The following FOXP1 variants were observed in gnomAD, a reference collection of about 807,000 sequenced individuals.
FOXP1 encodes forkhead box protein P1.
A neutral mutation model predicts 98.2 loss-of-function variants in FOXP1; 15 were observed. That is an observed-to-expected ratio of 0.15 (90% confidence interval 0.10 to 0.24). The LOEUF is 0.24. Ranked by LOEUF, FOXP1 falls within the 10% of genes least tolerant of loss-of-function variation. FOXP1 has a pLI of 1.00. For missense variants in FOXP1, 633 were observed against 848.5 expected (o/e 0.75, Z 3.15); for synonymous variants, 371 against 314.5 (o/e 1.18, Z -1.90).
intron 5 of FOXP1, among the ~76,000 whole-genome samples, chr3:71,265,408 T>C (rs2069542606): frequency 6.6e-6 from 1 of 152,142 alleles, no homozygotes; most frequent in African/African-American, 2.4e-5. Context: ...AGAAATCCCT[T>C]GGTAGTGAAC....
chr3:71,427,700 G>A (rs943151617), intron 3 of FOXP1, among the ~76,000 whole-genome samples: 3 of 152,212 alleles, frequency 2.0e-5, no homozygotes, highest in African/African-American at 4.8e-5. Context: ...AGCGATGGAC[G>A]GAAGTCACAG....
intron 2 of FOXP1, among the ~76,000 whole-genome samples, chr3:71,502,168 G>C (rs2107200699): frequency 1.3e-5 from 2 of 152,306 alleles, no homozygotes; most frequent in South Asian, 4.1e-4. Flanking sequence ...TTAAATGGCA[G>C]AAAACACAAA....
intron 3 of FOXP1, among the ~76,000 whole-genome samples, chr3:71,366,930 C>T (rs13073529): frequency 6.6e-6 from 1 of 152,078 alleles, no homozygotes; most frequent in South Asian, 2.1e-4. Context: ...TGATTGCTTG[C>T]GGATTATGGC....
At chr3:70,992,357 A>T (rs1285491624) in intron 13 of FOXP1, among the ~76,000 whole-genome samples, 1 of 152,320 alleles carries the variant, frequency 6.6e-6, no homozygotes, top group South Asian at 2.1e-4. Flanking sequence ...GGCAGGGTAT[A>T]TCCAGTTACT....
intron 3 of FOXP1, among the ~76,000 whole-genome samples, chr3:71,449,905 C>T (rs1046144851): frequency 5.9e-5 from 9 of 152,138 alleles, no homozygotes; most frequent in Non-Finnish European, 1.0e-4. Flanking sequence ...CTATGAAATA[C>T]GAGGTAAATA....
chr3:71,452,686 G>A (rs1021307475), intron 3 of FOXP1, among the ~76,000 whole-genome samples: 1 of 152,190 alleles, frequency 6.6e-6, no homozygotes, highest in African/African-American at 2.4e-5. Context: ...CAGAGCAGGA[G>A]TGCCTGCCTC....
chr3:71,160,187 C>CTT (rs113079967), intron 6 of FOXP1, among the ~76,000 whole-genome samples: 61 of 150,234 alleles, frequency 4.1e-4, no homozygotes, highest in African/African-American at 1.5e-3. Flanking sequence ...GTATGTATTT[C>CTT]TTTTTTTTTT....
intron 4 of FOXP1, among the ~76,000 whole-genome samples, chr3:71,304,350 A>G (rs1010694921): frequency 2.0e-5 from 3 of 152,228 alleles, no homozygotes; most frequent in African/African-American, 7.2e-5. Flanking sequence ...TTAAATGTTG[A>G]AACCTAAAAA....
chr3:71,455,612 C>T (rs1178065628), intron 3 of FOXP1, among the ~76,000 whole-genome samples: 1 of 152,112 alleles, frequency 6.6e-6, no homozygotes, highest in African/African-American at 2.4e-5. Flanking sequence ...GCGAGAGAAA[C>T]AAGACACATT....
At chr3:70,999,683 T>TAA (rs892636663) in intron 13 of FOXP1, among the ~76,000 whole-genome samples, 1 of 151,426 alleles carries the variant, frequency 6.6e-6, no homozygotes, top group Non-Finnish European at 1.5e-5. Context: ...GATAACTAAT[T>TAA]AAAAAAAAAT....
At position 71,324,394 on chromosome 3, in the gene FOXP1, A is replaced by T. The variant is rs575150647; in HGVS notation, c.-72-24514T>A. On this transcript the variant is annotated intron_variant, in intron 4 of 20. Transcript: ENST00000649528. ...ATGCCCATCAATGATAGACTGGATT[A>T]AGAAAATGTGGCACATACACATCAT... 6.9e-4 allele frequency among the ~76,000 whole-genome samples: 105 copies of T among 152,350 alleles called. 1 individual carries two copies. The highest frequency in any genetic ancestry group is 1.1e-3 in the Non-Finnish European group (75 of 68,038).
chr3:71,501,222 C>T (rs1004964660), intron 2 of FOXP1, among the ~76,000 whole-genome samples: 1 of 151,852 alleles, frequency 6.6e-6, no homozygotes, highest in African/African-American at 2.4e-5. Flanking sequence ...TGCTCTTCAA[C>T]ACCTTTCTCA....
intron 2 of FOXP1, among the ~76,000 whole-genome samples, chr3:71,509,546 T>C (rs867796423): frequency 2.0e-5 from 3 of 152,094 alleles, no homozygotes; most frequent in African/African-American, 4.8e-5. Flanking sequence ...CTTCAGTGTA[T>C]ACATCATGGG....
At chr3:71,539,161 G>T (rs1245872148) in intron 2 of FOXP1, among the ~76,000 whole-genome samples, 1 of 149,214 alleles carries the variant, frequency 6.7e-6, no homozygotes, top group East Asian at 1.9e-4. Context: ...GCCCAGGCTG[G>T]GGTGCAGTGG....
chr3:71,308,816 G>C (rs868371630), intron 4 of FOXP1, among the ~76,000 whole-genome samples: 1 of 147,370 alleles, frequency 6.8e-6, no homozygotes, highest in Non-Finnish European at 1.5e-5. Flanking sequence ...TGGGTGAGGG[G>C]GGACAGCTCC....
At chr3:71,376,822 T>A (rs2079750514) in intron 3 of FOXP1, among the ~76,000 whole-genome samples, 1 of 152,162 alleles carries the variant, frequency 6.6e-6, no homozygotes. Flanking sequence ...ACACATCATG[T>A]ACATTCTCCA....
intron 2 of FOXP1, among the ~76,000 whole-genome samples, chr3:71,498,383 A>C (rs1439283544): frequency 6.6e-6 from 1 of 152,194 alleles, no homozygotes; most frequent in Non-Finnish European, 1.5e-5. Flanking sequence ...CAAGTTGTTT[A>C]CCAAACACTG....
chr3:71,348,761 A>G (rs9865527), intron 4 of FOXP1, among the ~76,000 whole-genome samples: 101,874 of 151,750 alleles, frequency 0.67, 35,209 homozygotes, highest in East Asian at 0.79. Context: ...AGGATTCACC[A>G]AGTCTGGAAA....
intron 5 of FOXP1, among the ~76,000 whole-genome samples, chr3:71,262,284 A>C (rs1408613470): frequency 5.4e-5 from 8 of 147,442 alleles, no homozygotes; most frequent in African/African-American, 1.7e-4. Context: ...AAAAAAAAAA[A>C]AAAAAAAAAA....
Sources: allele counts gnomAD v4.1 joint callset (sites outside exome capture counted in the v4.1 genomes callset), GRCh38; gene constraint gnomAD v4.1.1; transcripts MANE v1.5; gene names NCBI Gene and HGNC (gene_info 2026-07-23, HGNC 2026-07-21).